DENND3: variants seen among roughly 807,000 people sequenced by gnomAD.
DENND3 encodes DENN domain containing 3, also known as DENN domain-containing protein 3.
DENND3 carries 88 observed loss-of-function variants against 135.1 expected under a neutral mutation model. That is an observed-to-expected ratio of 0.65 (90% confidence interval 0.55 to 0.78). The LOEUF (loss-of-function observed/expected upper bound fraction) is 0.78, where lower values mean the gene tolerates loss of function less well. Ranked by LOEUF, DENND3 falls within the 30% of genes least tolerant of loss-of-function variation. The pLI, the probability that DENND3 is intolerant of heterozygous loss-of-function variation, is 0.00. For missense variants in DENND3, 1,392 were observed against 1,688.4 expected, an observed-to-expected ratio of 0.82 and a Z score of 3.08; for synonymous variants, 693 against 712.3, an observed-to-expected ratio of 0.97 and a Z score of 0.43.
At chr8:141,178,298 C>A (rs1822657057) in intron 16 of DENND3, 102 bp downstream of exon 16, 3 of 1,458,890 alleles carry the variant, frequency 2.1e-6, no homozygotes, top group Admixed American at 4.8e-5. Flanking sequence ...CCGAGCCCAG[C>A]TCCCCCAGTT....
In DENND3 at chr8:141,151,716, A is replaced by T; in HGVS notation, c.953A>T (p.Tyr318Phe). 1 of 1,614,072 alleles carries T rather than the reference A, an allele frequency of 6.2e-7. No homozygotes were observed. The highest frequency in any genetic ancestry group is 8.5e-7 in the Non-Finnish European group (1 of 1,180,024). Reference protein sequence around the residue: ...LVTECFMAYLYPLQWQHPFVP... With the variant: ...LVTECFMAYLFPLQWQHPFVP... ...ACTGAGTGCTTCATGGCCTACCTGT[A>T]TCCGCTGCAGTGGCAGCACCCCTTC... is the stretch of plus-strand genomic sequence containing the variant. Residue 318 changes from tyrosine to phenylalanine, a missense_variant, in exon 7 of 23, where the codon TAT becomes TTT. Tyr to Phe is a conservative substitution (Grantham distance 22, BLOSUM62 3). Transcript: ENST00000519811.
chr8:141,131,995 G>C (rs1816164979), intron 1 of DENND3, among the ~76,000 whole-genome samples: 1 of 152,086 alleles, frequency 6.6e-6, no homozygotes, highest in African/African-American at 2.4e-5. Flanking sequence ...AAAGAACTGG[G>C]TGCGTGCAAG....
At chr8:141,187,941 C>T (rs1824115851) in intron 18 of DENND3, among the ~76,000 whole-genome samples, 1 of 152,070 alleles carries the variant, frequency 6.6e-6, no homozygotes, top group South Asian at 2.1e-4. Flanking sequence ...AATCCCAGCA[C>T]TTTGGGGGGC....
At position 141,182,559 on chromosome 8, in the gene DENND3, G is replaced by T; in HGVS notation, c.2944+1705G>T. ...AGCTTCCTGTTGTGACGGGCGAGGA[G>T]TTCAGGCGGCTTCCCCTCCAGGAGC... On this transcript the variant is annotated intron_variant, in intron 17 of 22. Coordinates refer to ENST00000519811, the MANE Select transcript of DENND3 (RefSeq NM_001352890.3). This position sits in a 1 kb window ranked among gnomAD's most constrained non-coding sequence, Gnocchi z 5.9. 1 of 928,218 alleles carries T rather than the reference G, an allele frequency of 1.1e-6. No homozygotes were observed. Among genetic ancestry groups the T allele is most frequent in the Non-Finnish European group, 1.3e-6 (1 of 778,186 alleles). The allele number at this position is 928,218 out of a possible 1,614,324, so 57.5% of individuals were successfully genotyped here. A position where few individuals can be genotyped will look rare whatever the true frequency, so the allele number is the denominator to read the frequency against.
chr8:141,190,291 T>C lies in DENND3; in HGVS notation c.3253T>C (p.Tyr1085His). ...TGTGTTTTGTGCCCCCAGCAACGTGTACTCGTGCAGCATGGACGGCATGGT... is the reference window on the plus strand; with the variant it reads ...TGTGTTTTGTGCCCCCAGCAACGTGCACTCGTGCAGCATGGACGGCATGGT... ...QDGQEAPSNV[Y>H]SCSMDGMVLV... Residue 1085 changes from tyrosine to histidine, a missense_variant, in exon 20 of 23, where the codon TAC becomes CAC. Tyr to His is a moderately conservative substitution (Grantham distance 83, BLOSUM62 2). Coordinates refer to ENST00000519811, the MANE Select transcript of DENND3 (RefSeq NM_001352890.3). The C allele has an allele frequency of 1.3e-6, 2 of 1,595,774 alleles. No individual in the cohort carries two copies. The highest frequency in any genetic ancestry group is 1.3e-5 in the African/African-American group (1 of 74,672).
At position 141,185,245 on chromosome 8, in the gene DENND3, C is replaced by A. The variant is rs931603778; in HGVS notation, c.3051C>A (p.His1017Gln). ...TVFNASSWTI[H>Q]QHSFKVGTAK... ...TCAATGCTTCTTCATGGACCATCCACCAGCACTCCTTTAAAGTGGGCACTG... is the reference window on the plus strand; with the variant it reads ...TCAATGCTTCTTCATGGACCATCCAACAGCACTCCTTTAAAGTGGGCACTG... Residue 1017 changes from histidine to glutamine, a missense_variant, in exon 18 of 23, where the codon CAC (histidine) becomes CAA (glutamine). His to Gln is a conservative substitution (Grantham distance 24). Transcript: ENST00000519811. 1.2e-5 allele frequency: 20 copies of A among 1,614,098 alleles called. No individual in the cohort carries two copies. Among genetic ancestry groups the A allele is most frequent in the Non-Finnish European group, 1.6e-5 (19 of 1,180,040 alleles).
chr8:141,175,371 G>GT lies in DENND3; in HGVS notation c.2447_2448insT (p.Lys817GlnfsTer66), dbSNP rs1822195267. The GT allele has an allele frequency of 6.2e-7, 1 of 1,614,102 alleles. No individual in the cohort carries two copies. Among genetic ancestry groups the GT allele is most frequent in the African/African-American group, 1.3e-5 (1 of 74,916 alleles). On this transcript the variant is annotated frameshift_variant, in exon 14 of 23. Transcript: ENST00000519811. LOFTEE classifies it high-confidence loss of function. This position sits in a 1 kb window ranked among gnomAD's most constrained non-coding sequence, Gnocchi z 5.4. Reference sequence around the variant, plus strand: ...TCCGTCAAGACAAACCTAGGCGTTGGCAAGATCGCCATGACCCAGAAGCGC... The same window carrying GT: ...TCCGTCAAGACAAACCTAGGCGTTGGTCAAGATCGCCATGACCCAGAAGCGC...
chr8:141,171,406 C>T (rs867764940), intron 13 of DENND3, among the ~76,000 whole-genome samples: 2 of 152,248 alleles, frequency 1.3e-5, no homozygotes, highest in Non-Finnish European at 2.9e-5. Flanking sequence ...TCCCCAGGGA[C>T]GCTGACATGT....
At chr8:141,170,585 C>A (rs1821420195) in intron 13 of DENND3, among the ~76,000 whole-genome samples, 1 of 152,164 alleles carries the variant, frequency 6.6e-6, no homozygotes, top group East Asian at 1.9e-4. Flanking sequence ...TGAGGGTGAG[C>A]TCAGATGCTC....
chr8:141,168,648 C>A lies in DENND3; in HGVS notation c.2275+123C>A. 1.6e-6 allele frequency: 2 copies of A among 1,249,826 alleles called. No individual in the cohort carries two copies. Among genetic ancestry groups the A allele is most frequent in the Non-Finnish European group, 2.2e-6 (2 of 916,826 alleles). The allele number at this position is 1,249,826 out of a possible 1,614,324, so 77.4% of individuals were successfully genotyped here. On this transcript the variant is annotated intron_variant, in intron 13 of 22. Coordinates refer to ENST00000519811, the MANE Select transcript of DENND3 (RefSeq NM_001352890.3). The surrounding 1 kb of genome is among the most constrained non-coding windows in gnomAD (Gnocchi z 6.2). ...GCAACCTCCACCTCCTGGGCTCAAG[C>A]AGTCCTCCCACCTCAGCCTCCCGAG...
At chr8:141,152,556 G>A (rs890746378) in intron 7 of DENND3, among the ~76,000 whole-genome samples, 5 of 152,128 alleles carry the variant, frequency 3.3e-5, no homozygotes, top group Admixed American at 1.3e-4. Context: ...GCATCTCTCA[G>A]CCCTTTATTT....
chr8:141,182,270 C>G lies in DENND3; in HGVS notation c.2944+1416C>G. The G allele has an allele frequency of 1.0e-6, 1 of 980,250 alleles. No homozygotes were observed. The highest frequency in any genetic ancestry group is 1.2e-6 in the Non-Finnish European group (1 of 825,302). 60.7% of individuals were successfully genotyped at this position (980,250 alleles called of 1,614,324 possible). On this transcript the variant is annotated intron_variant, in intron 17 of 22. Coordinates refer to ENST00000519811, the MANE Select transcript of DENND3 (RefSeq NM_001352890.3). This position sits in a 1 kb window ranked among gnomAD's most constrained non-coding sequence, Gnocchi z 5.9. The stretch of plus-strand genomic sequence containing the variant: ...CTCATGCTTCAGGTGGGCAGAGAAG[C>G]TGTGTGTGAAGCGATTTCCCCATAA...
In DENND3 at chr8:141,168,821, G is replaced by C. The variant is rs976005205; in HGVS notation, c.2275+296G>C. Among the ~76,000 whole-genome samples the C allele has an allele frequency of 6.6e-6, 1 of 152,044 alleles. No homozygotes were observed. Among genetic ancestry groups the C allele is most frequent in the African/African-American group, 2.4e-5 (1 of 41,372 alleles). On this transcript the variant is annotated intron_variant, in intron 13 of 22. Coordinates refer to ENST00000519811, the MANE Select transcript of DENND3 (RefSeq NM_001352890.3). The surrounding 1 kb of genome is among the most constrained non-coding windows in gnomAD (Gnocchi z 6.2). ...CCACCTCGGCCTCCCTAAGTGCTGA[G>C]ATTACAAGAGTGAGCCTCTGCGTTG...
At chr8:141,135,810 A>G (rs923647204) in intron 1 of DENND3, among the ~76,000 whole-genome samples, 3 of 152,274 alleles carry the variant, frequency 2.0e-5, no homozygotes, top group African/African-American at 7.2e-5. Context: ...AAAGTTGAGA[A>G]GAATTCAGGC....
Position 141,174,862 on chromosome 8 carries a change from T to C in DENND3, c.2276-338T>C, listed in dbSNP as rs1381720814. Among the ~76,000 whole-genome samples, 1 of 152,136 alleles carries C rather than the reference T, an allele frequency of 6.6e-6. No homozygotes were observed. Among genetic ancestry groups the C allele is most frequent in the Non-Finnish European group, 1.5e-5 (1 of 68,020 alleles). ...TGATGAGGAAGGTCTTTGCCCCCAT[T>C]AGAAGAGTGTCCTTGTCCGGAAGGA... On this transcript the variant is annotated intron_variant, in intron 13 of 22. Transcript: ENST00000519811. The surrounding 1 kb of genome is among the most constrained non-coding windows in gnomAD (Gnocchi z 4.6).
chr8:141,141,059 G>A lies in DENND3; in HGVS notation c.502-144G>A. The A allele has an allele frequency of 7.8e-7, 1 of 1,275,266 alleles. No homozygotes were observed. The highest frequency in any genetic ancestry group is 1.1e-6 in the Non-Finnish European group (1 of 906,684). The allele number at this position is 1,275,266 out of a possible 1,614,324, so 79.0% of individuals were successfully genotyped here. ...AGGGACCCCGTAGACTTCGACCGGA[G>A]GGCCGGTGCTGGCTTGGACGCGTTG... On this transcript the variant is annotated intron_variant, in intron 3 of 22. Transcript: ENST00000519811. This position sits in a 1 kb window ranked among gnomAD's most constrained non-coding sequence, Gnocchi z 5.3.
Position 141,187,998 on chromosome 8 carries a change from G to A in DENND3, c.3085-988G>A, listed in dbSNP as rs569427808. Among the ~76,000 whole-genome samples, 13 of 150,328 alleles carry A rather than the reference G, an allele frequency of 8.6e-5. No homozygotes were observed. The South Asian group carries it at 2.5e-3, about 29-fold the overall frequency. ...GTCTAGGAGTTCGAGACCAGCCTGG[G>A]CAACGTGGGGAAACCCTATCTCTAC... On this transcript the variant is annotated intron_variant, in intron 18 of 22. Coordinates refer to ENST00000519811, the MANE Select transcript of DENND3 (RefSeq NM_001352890.3).
At chr8:141,188,945 G>A (rs778224830) in intron 18 of DENND3, 41 bp from the exon 19 acceptor site, 77 of 1,602,424 alleles carry the variant, frequency 4.8e-5, no homozygotes, top group Non-Finnish European at 6.3e-5. Flanking sequence ...CACCAGTATC[G>A]AGACTGACTG....
chr8:141,172,317 C>T (rs747716497), intron 13 of DENND3, among the ~76,000 whole-genome samples: 2 of 151,936 alleles, frequency 1.3e-5, no homozygotes, highest in Non-Finnish European at 2.9e-5. Context: ...GTGCTGGTGG[C>T]GTAGTGTCCA....
Sources: allele counts gnomAD v4.1 joint callset (sites outside exome capture counted in the v4.1 genomes callset), GRCh38; gene constraint gnomAD v4.1.1; non-coding constraint Gnocchi (gnomAD v3.1); transcripts MANE v1.5; gene names NCBI Gene and HGNC (gene_info 2026-07-23, HGNC 2026-07-21).